INSYN2A: variants seen among roughly 807,000 people sequenced by gnomAD.
INSYN2A encodes the protein family with sequence similarity 196 member A.
INSYN2A carries 17 observed loss-of-function variants against 39.4 expected under a neutral mutation model. The observed-to-expected ratio is 0.43, with a 90% confidence interval of 0.30 to 0.65. The LOEUF (loss-of-function observed/expected upper bound fraction) is 0.65, where lower values mean the gene tolerates loss of function less well. Among genes scored for constraint, INSYN2A ranks in the 30% least tolerant of loss-of-function variants. INSYN2A has a pLI of 0.14. For missense variants in INSYN2A, 595 were observed against 631.2 expected (o/e 0.94, Z 0.61); for synonymous variants, 255 against 265.7 (o/e 0.96, Z 0.39).
At chr10:127,149,655 G>A (rs1299406409) in intron 5 of INSYN2A, among the ~76,000 whole-genome samples, 1 of 152,094 alleles carries the variant, frequency 6.6e-6, no homozygotes, top group African/African-American at 2.4e-5. Flanking sequence ...AAGACAGGCA[G>A]GGTCAAATTC....
chr10:127,161,103 C>CT (rs2053555726), intron 4 of INSYN2A, among the ~76,000 whole-genome samples: 1 of 152,178 alleles, frequency 6.6e-6, no homozygotes, highest in Non-Finnish European at 1.5e-5. Context: ...GTTTCTGAAT[C>CT]TAAGGTCTCA....
chr10:127,156,454 C>G (rs542268137), intron 4 of INSYN2A, among the ~76,000 whole-genome samples: 1 of 152,188 alleles, frequency 6.6e-6, no homozygotes, highest in South Asian at 2.1e-4. Flanking sequence ...CAAGAGGAAT[C>G]TTCCAGGACC....
In INSYN2A at chr10:127,135,642, C is replaced by A. The variant is rs2050627068; in HGVS notation, c.*2195G>T. 6.6e-6 allele frequency: 1 copy of A among 152,604 alleles called. No individual in the cohort carries two copies. Among genetic ancestry groups the A allele is most frequent in the Non-Finnish European group, 1.5e-5 (1 of 68,040 alleles). The allele number at this position is 152,604 out of a possible 1,614,324, so 9.5% of individuals were successfully genotyped here. On this transcript the variant is annotated 3_prime_UTR_variant, in exon 6 of 6. Coordinates refer to ENST00000522781, the MANE Select transcript of INSYN2A (RefSeq NM_001039762.3). Reference sequence around the variant, plus strand: ...CAATTAAACTATGAAATGATTTTGACAATAGTTTTTCTATTTTGAACACAC... The same window carrying A: ...CAATTAAACTATGAAATGATTTTGAAAATAGTTTTTCTATTTTGAACACAC...
chr10:127,141,113 G>A (rs1040332879), intron 5 of INSYN2A, among the ~76,000 whole-genome samples: 2 of 152,182 alleles, frequency 1.3e-5, no homozygotes, highest in Non-Finnish European at 2.9e-5. Context: ...GGCATGGCTG[G>A]CATTCCTTGG....
chr10:127,173,119 C>G (rs1273055541), intron 4 of INSYN2A, among the ~76,000 whole-genome samples: 5 of 152,168 alleles, frequency 3.3e-5, no homozygotes, highest in African/African-American at 1.2e-4. Flanking sequence ...CCTCCCCAGA[C>G]CCCTGCTCCA....
chr10:127,188,871 G>A (rs2056511358), intron 2 of INSYN2A, among the ~76,000 whole-genome samples: 1 of 152,242 alleles, frequency 6.6e-6, no homozygotes, highest in African/African-American at 2.4e-5. Flanking sequence ...TGGGGAAACA[G>A]AGGCACAGGT....
In INSYN2A at chr10:127,136,794, A is replaced by G. The variant is rs938567907; in HGVS notation, c.*1043T>C. On this transcript the variant is annotated 3_prime_UTR_variant, in exon 6 of 6. Coordinates refer to ENST00000522781, the MANE Select transcript of INSYN2A (RefSeq NM_001039762.3). ...CGACATTGTCCCTTGGTAGCAGCTA[A>G]ACTAAACGCACTGTTTCTCTTTGAG... 10 of 152,628 alleles carry G rather than the reference A, an allele frequency of 6.6e-5. No homozygotes were observed. The highest frequency in any genetic ancestry group is 2.9e-5 in the Non-Finnish European group (2 of 68,046). 9.5% of individuals were successfully genotyped at this position (152,628 alleles called of 1,614,324 possible). A position where few individuals can be genotyped will look rare whatever the true frequency, so the allele number is the denominator to read the frequency against.
At chr10:127,174,443 C>T (rs1488387818) in intron 4 of INSYN2A, among the ~76,000 whole-genome samples, 1 of 152,208 alleles carries the variant, frequency 6.6e-6, no homozygotes, top group Non-Finnish European at 1.5e-5. Context: ...ACTAAAACCC[C>T]ACCTTTAGGT....
chr10:127,191,570 C>T (rs1374116961), intron 2 of INSYN2A, among the ~76,000 whole-genome samples: 1 of 152,048 alleles, frequency 6.6e-6, no homozygotes, highest in East Asian at 1.9e-4. Context: ...ACTAAGTACA[C>T]ATAGAAAAGA....
chr10:127,183,017 GA>G (rs2055879635), intron 2 of INSYN2A, among the ~76,000 whole-genome samples: 1 of 142,476 alleles, frequency 7.0e-6, no homozygotes, highest in African/African-American at 2.5e-5. Flanking sequence ...AAAACACAAA[GA>G]TACATACTAG....
chr10:127,159,761 G>C (rs1262793511), intron 4 of INSYN2A, among the ~76,000 whole-genome samples: 1 of 152,196 alleles, frequency 6.6e-6, no homozygotes, highest in Non-Finnish European at 1.5e-5. Context: ...GCCCATGGCA[G>C]AGCTGGTGCT....
At chr10:127,141,173 C>T (rs1419524819) in intron 5 of INSYN2A, among the ~76,000 whole-genome samples, 1 of 152,214 alleles carries the variant, frequency 6.6e-6, no homozygotes, top group African/African-American at 2.4e-5. Context: ...GACCACCTTC[C>T]CAAATGTTGC....
intron 5 of INSYN2A, among the ~76,000 whole-genome samples, chr10:127,139,264 C>T (rs139362774): frequency 8.9e-4 from 136 of 152,250 alleles, no homozygotes; most frequent in African/African-American, 3.1e-3. Context: ...TTTGGAAAGA[C>T]AGAAACAGCC....
At chr10:127,148,030 CAAAAAAAAAA>C (rs57503481) in intron 5 of INSYN2A, among the ~76,000 whole-genome samples, 2 of 63,318 alleles carry the variant, frequency 3.2e-5, no homozygotes, top group South Asian at 1.1e-3. Context: ...GACTCTGTCT[CAAAAAAAAAA>C]AAAAAAAAAA....
At chr10:127,166,581 G>A (rs1446715419) in intron 4 of INSYN2A, among the ~76,000 whole-genome samples, 1 of 152,174 alleles carries the variant, frequency 6.6e-6, no homozygotes, top group Non-Finnish European at 1.5e-5. Context: ...GATTAAAGAA[G>A]ATAATACCAA....
intron 4 of INSYN2A, among the ~76,000 whole-genome samples, chr10:127,166,741 T>C (rs955553213): frequency 2.6e-5 from 4 of 152,242 alleles, no homozygotes; most frequent in African/African-American, 9.6e-5. Flanking sequence ...GCATGGAGTT[T>C]TTAAAATTAT....
At chr10:127,138,109 G>A in intron 5 of INSYN2A, 89 bp from the exon 6 acceptor site, 11 of 1,126,680 alleles carry the variant, frequency 9.8e-6, no homozygotes, top group East Asian at 2.4e-5. Context: ...GGCATGATCA[G>A]TGTGTGTTTG....
chr10:127,195,328 T>C lies in INSYN2A; in HGVS notation c.-395+669A>G, dbSNP rs189634659. On this transcript the variant is annotated intron_variant, in intron 1 of 5. Coordinates refer to ENST00000522781, the MANE Select transcript of INSYN2A (RefSeq NM_001039762.3). ...TCTTAGGTCTGCAGCGTTGGTTGGT[T>C]TCCCACGCCTGTCCCGGTCTGACTC... 6.6e-5 allele frequency among the ~76,000 whole-genome samples: 10 copies of C among 152,238 alleles called. No homozygotes were observed. The East Asian group carries it at 1.8e-3, about 27-fold the overall frequency.
chr10:127,190,538 A>AATTTCCTC (rs2307870), intron 2 of INSYN2A, among the ~76,000 whole-genome samples: 90,881 of 151,226 alleles, frequency 0.6, 27,552 homozygotes, highest in East Asian at 0.85. Context: ...CGCTTCATCC[A>AATTTCCTC]ATTTCCTCCT....
Sources: allele counts gnomAD v4.1 joint callset (sites outside exome capture counted in the v4.1 genomes callset), GRCh38; gene constraint gnomAD v4.1.1; transcripts MANE v1.5; gene names NCBI Gene and HGNC (gene_info 2026-07-23, HGNC 2026-07-21).